Variants in PRUNE2 observed in about 807,000 individuals in gnomAD.
PRUNE2 encodes the protein prune homolog 2 with BCH domain.
PRUNE2 carries 164 observed loss-of-function variants against 252.0 expected under a neutral mutation model. The ratio of observed to expected loss-of-function variants is 0.65; its 90% confidence interval spans 0.57 to 0.74. The LOEUF is 0.74. Ranked by LOEUF, PRUNE2 falls within the 30% of genes least tolerant of loss-of-function variation. The pLI, the probability that PRUNE2 is intolerant of heterozygous loss-of-function variation, is 0.00. For missense variants in PRUNE2, 3,495 were observed against 3,711.0 expected, an observed-to-expected ratio of 0.94 and a Z score of 1.51; for synonymous variants, 1,292 against 1,350.2, an observed-to-expected ratio of 0.96 and a Z score of 0.94.
chr9:76,614,524 C>A lies in PRUNE2; in HGVS notation c.*46G>T. 1 of 1,547,142 alleles carries A rather than the reference C, an allele frequency of 6.5e-7. No individual in the cohort carries two copies. Among genetic ancestry groups the A allele is most frequent in the South Asian group, 1.1e-5 (1 of 89,450 alleles). ...TCTCTTTCAGGTAGATATGTTTCAA[C>A]AGAACCATGAACCAGAAAAGCATCC... On this transcript the variant is annotated 3_prime_UTR_variant, in exon 19 of 19. Coordinates refer to ENST00000376718, the MANE Select transcript of PRUNE2 (RefSeq NM_015225.3).
rs761840904 is a variant in PRUNE2 at position 76,707,257 on chromosome 9, C to T, written c.5017G>A (p.Val1673Met). 2.5e-6 allele frequency: 4 copies of T among 1,613,822 alleles called. No individual in the cohort carries two copies. The highest frequency in any genetic ancestry group is 2.7e-5 in the African/African-American group (2 of 74,900). Residue 1673 changes from valine to methionine, a missense_variant, in exon 8 of 19, where the codon GTG becomes ATG. Transcript: ENST00000376718. ...ATGACCCTGGCATCCTCTGGCTGCACAGTTGCAGAAATGTCATGTTCATTT... is the reference window on the plus strand; with the variant it reads ...ATGACCCTGGCATCCTCTGGCTGCATAGTTGCAGAAATGTCATGTTCATTT... ...EKNEHDISAT[V>M]QPEDARVIST...
At chr9:76,630,389 G>A (rs1216501965) in intron 15 of PRUNE2, among the ~76,000 whole-genome samples, 1 of 151,826 alleles carries the variant, frequency 6.6e-6, no homozygotes, top group Middle Eastern at 3.2e-3. Flanking sequence ...TTAGAGATGT[G>A]TAAATGCACA....
At chr9:76,794,125 G>A (rs2055819781) in intron 6 of PRUNE2, among the ~76,000 whole-genome samples, 1 of 152,174 alleles carries the variant, frequency 6.6e-6, no homozygotes, top group African/African-American at 2.4e-5. Flanking sequence ...AGGAACTACT[G>A]AGAATTTTAC....
At chr9:76,844,709 G>T (rs2059577900) in intron 4 of PRUNE2, among the ~76,000 whole-genome samples, 1 of 152,006 alleles carries the variant, frequency 6.6e-6, no homozygotes, top group Admixed American at 6.5e-5. Flanking sequence ...TAATGACTCT[G>T]GCTCTTTTAT....
chr9:76,855,082 A>AAAAAAAAATATATAT (rs1490285240), intron 1 of PRUNE2, among the ~76,000 whole-genome samples: 4 of 109,416 alleles, frequency 3.7e-5, no homozygotes, highest in African/African-American at 1.5e-4. Flanking sequence ...AAAAAAAAAA[A>AAAAAAAAATATATAT]ATATATATAT....
At chr9:76,741,228 A>C (rs183509191) in intron 6 of PRUNE2, among the ~76,000 whole-genome samples, 1 of 152,320 alleles carries the variant, frequency 6.6e-6, no homozygotes, top group African/African-American at 2.4e-5. Context: ...CTATCTCAAG[A>C]CAACTGTTTT....
At chr9:76,735,589 T>G (rs1378052606) in intron 6 of PRUNE2, among the ~76,000 whole-genome samples, 2 of 152,074 alleles carry the variant, frequency 1.3e-5, no homozygotes, top group African/African-American at 4.8e-5. Flanking sequence ...TGGAAGACTT[T>G]AGGATCACTC....
chr9:76,658,056 C>T (rs984353235), intron 9 of PRUNE2, among the ~76,000 whole-genome samples: 1 of 152,226 alleles, frequency 6.6e-6, no homozygotes, highest in African/African-American at 2.4e-5. Context: ...CACACAAACC[C>T]ATGGATATTA....
chr9:76,762,377 T>C (rs187626273), intron 6 of PRUNE2, among the ~76,000 whole-genome samples: 1 of 152,204 alleles, frequency 6.6e-6, no homozygotes, highest in Non-Finnish European at 1.5e-5. Context: ...GAGGCAGGAA[T>C]GGCGGTTGCA....
rs566676753 is a variant in PRUNE2, at chr9:76,676,482, A to G, written c.8277-20980T>C. Among the ~76,000 whole-genome samples the G allele has an allele frequency of 4.6e-5, 7 of 152,326 alleles. No homozygotes were observed. The South Asian group carries it at 1.4e-3, about 32-fold the overall frequency. On this transcript the variant is annotated intron_variant, in intron 9 of 18. Coordinates refer to ENST00000376718, the MANE Select transcript of PRUNE2 (RefSeq NM_015225.3). ...TATTTCCATAAAATTATATACATTT[A>G]TATGCATTTTTAGATATGGATAATA... is the stretch of plus-strand genomic sequence containing the variant.
At chr9:76,753,875 GCC>G (rs145680207) in intron 6 of PRUNE2, among the ~76,000 whole-genome samples, 62,942 of 149,810 alleles carry the variant, frequency 0.42, 13,504 homozygotes, top group Admixed American at 0.53. Context: ...CTGAGATTGA[GCC>G]ACTGCACTCC....
At chr9:76,848,189 C>G (rs767303374) in intron 3 of PRUNE2, among the ~76,000 whole-genome samples, 1 of 152,078 alleles carries the variant, frequency 6.6e-6, no homozygotes, top group East Asian at 1.9e-4. Context: ...GCCTGAACCT[C>G]GGAGATGGAG....
intron 9 of PRUNE2, among the ~76,000 whole-genome samples, chr9:76,684,548 T>G (rs2043859612): frequency 6.6e-6 from 1 of 152,212 alleles, no homozygotes; most frequent in Non-Finnish European, 1.5e-5. Context: ...CCAGGTTAAC[T>G]TAGGGTTTCA....
At chr9:76,857,958 G>C in intron 1 of PRUNE2, among the ~76,000 whole-genome samples, 1 of 152,088 alleles carries the variant, frequency 6.6e-6, no homozygotes, top group South Asian at 2.1e-4. Context: ...AAGGTCTGTA[G>C]GCCCCTTCCT....
At position 76,710,373 on chromosome 9, in the gene PRUNE2, A is replaced by C; in HGVS notation, c.1901T>G (p.Met634Arg). The change falls in exon 8 of 19, where the codon ATG becomes AGG. Residue 634 changes from methionine (M) to arginine (R), a missense_variant. Coordinates refer to ENST00000376718, the MANE Select transcript of PRUNE2 (RefSeq NM_015225.3). ...EEPASLYTED[M>R]TQKATDTGHM... ...ACCTGTGTCAGTTGCTTTTTGGGTC[A>C]TATCTTCTGTATAGAGTGAGGCTGG... 1 of 1,613,972 alleles carries C rather than the reference A, an allele frequency of 6.2e-7. No individual in the cohort carries two copies. Among genetic ancestry groups the C allele is most frequent in the South Asian group, 1.1e-5 (1 of 91,082 alleles).
intron 8 of PRUNE2, 128 bp downstream of exon 8, chr9:76,704,633 G>C: frequency 1.5e-6 from 1 of 663,768 alleles, no homozygotes; most frequent in South Asian, 2.0e-5. Flanking sequence ...GACTTAGTGA[G>C]GCATGCCTTG....
At chr9:76,674,588 A>T (rs2042148343) in intron 9 of PRUNE2, among the ~76,000 whole-genome samples, 1 of 151,618 alleles carries the variant, frequency 6.6e-6, no homozygotes. Flanking sequence ...GGAACCAAAA[A>T]AGAGCCCGCA....
At position 76,850,623 on chromosome 9, in the gene PRUNE2, G is replaced by GT. The variant is rs745387319; in HGVS notation, c.183dup (p.Pro62ThrfsTer4). The GT allele has an allele frequency of 3.7e-6, 6 of 1,613,820 alleles. No homozygotes were observed. The Admixed American group carries it at 5.0e-5, about 13-fold the overall frequency. On this transcript the variant is annotated frameshift_variant, in exon 3 of 19. Coordinates refer to ENST00000376718, the MANE Select transcript of PRUNE2 (RefSeq NM_015225.3). LOFTEE classifies it high-confidence loss of function. ...GTGAAGTAGTTGAATTCAGTTCTTGGTATGTTCAGCACTGGTAAACACAGA... is the reference window on the plus strand; with the variant it reads ...GTGAAGTAGTTGAATTCAGTTCTTGGTTATGTTCAGCACTGGTAAACACAGA...
intron 6 of PRUNE2, among the ~76,000 whole-genome samples, chr9:76,753,179 G>A (rs1372984520): frequency 1.3e-5 from 2 of 151,978 alleles, no homozygotes; most frequent in Non-Finnish European, 2.9e-5. Context: ...ACAGGCAAGA[G>A]CTACCATGCC....
Sources: allele counts gnomAD v4.1 joint callset (sites outside exome capture counted in the v4.1 genomes callset), GRCh38; gene constraint gnomAD v4.1.1; transcripts MANE v1.5; gene names NCBI Gene and HGNC (gene_info 2026-07-23, HGNC 2026-07-21).